B3GALT1: variants seen among roughly 807,000 people sequenced by gnomAD.
B3GALT1 encodes the protein beta-1,3-galactosyltransferase 1, also known as UDP-Gal:betaGlcNAc beta 1,3-galactosyltransferase, polypeptide 1.
Under a neutral mutation model 23.2 loss-of-function variants are expected in B3GALT1, and 10 were observed. The observed-to-expected ratio is 0.43, with a 90% CI of 0.27 to 0.73. The LOEUF is 0.73. Ranked by LOEUF, B3GALT1 falls within the 30% of genes least tolerant of loss-of-function variation. The pLI is 0.21. For missense variants in B3GALT1, 299 were observed against 405.4 expected (o/e 0.74, Z 2.25); for synonymous variants, 156 against 141.5 (o/e 1.10, Z -0.73).
At chr2:167,703,843 T>C (rs1686920981) in intron 3 of B3GALT1, among the ~76,000 whole-genome samples, 1 of 152,148 alleles carries the variant, frequency 6.6e-6, no homozygotes, top group Admixed American at 6.5e-5. Flanking sequence ...TCCTACTGAC[T>C]GACCCCTCAA....
intron 2 of B3GALT1, among the ~76,000 whole-genome samples, chr2:167,533,737 A>T (rs1249638349): frequency 2.0e-5 from 3 of 152,136 alleles, no homozygotes; most frequent in African/African-American, 7.2e-5. Context: ...ACGTTTTACC[A>T]ATTTATTTGC....
chr2:167,685,468 G>A (rs1005769175), intron 3 of B3GALT1, among the ~76,000 whole-genome samples: 5 of 152,088 alleles, frequency 3.3e-5, no homozygotes, highest in South Asian at 2.1e-4. Context: ...TGTTTTCAGC[G>A]CTTCTGAGAA....
At position 167,833,081 on chromosome 2, in the gene B3GALT1, G is replaced by A. The variant is rs148830293; in HGVS notation, c.-230+14288G>A. On this transcript the variant is annotated intron_variant, in intron 4 of 4. Transcript: ENST00000392690. ...TAAGGGACAGGCAGAGGGGCAATGC[G>A]TAATTTCTCCTCCCCTCACTGAACA... 3.2e-3 allele frequency among the ~76,000 whole-genome samples: 490 copies of A among 152,294 alleles called. 4 individuals carry two copies. The highest frequency in any genetic ancestry group is 0.011 in the African/African-American group (462 of 41,564).
intron 1 of B3GALT1, among the ~76,000 whole-genome samples, chr2:167,314,229 G>C (rs986811525): frequency 1.3e-5 from 2 of 152,086 alleles, no homozygotes; most frequent in Admixed American, 6.6e-5. Context: ...AATTCACTTA[G>C]CTGCTGGGGA....
rs1559010491 is a variant in B3GALT1, at chr2:167,870,548, T to G, written c.*528T>G. The stretch of plus-strand genomic sequence containing the variant: ...TCCACCAAGAAATGAACTTGGTACC[T>G]GCAGAGTGGCTGCAGTTAAATAGAT... On this transcript the variant is annotated 3_prime_UTR_variant, in exon 5 of 5. Coordinates refer to ENST00000392690, the MANE Select transcript of B3GALT1 (RefSeq NM_020981.4). 1 of 167,260 alleles carries G rather than the reference T, an allele frequency of 6.0e-6. No individual in the cohort carries two copies. The highest frequency in any genetic ancestry group is 1.5e-5 in the Non-Finnish European group (1 of 68,276). The allele number at this position is 167,260 out of a possible 1,614,324, so 10.4% of individuals were successfully genotyped here.
chr2:167,314,152 A>G (rs1394636967), intron 1 of B3GALT1, among the ~76,000 whole-genome samples: 2 of 152,106 alleles, frequency 1.3e-5, no homozygotes, highest in Non-Finnish European at 2.9e-5. Context: ...GTATATATAA[A>G]TGCTGCTTGG....
intron 2 of B3GALT1, among the ~76,000 whole-genome samples, chr2:167,581,898 T>C (rs887889904): frequency 6.6e-6 from 1 of 152,166 alleles, no homozygotes; most frequent in Non-Finnish European, 1.5e-5. Context: ...AGGTCTGCTT[T>C]CTGTTTATTT....
chr2:167,486,441 A>G (rs1699628152), intron 1 of B3GALT1, among the ~76,000 whole-genome samples: 1 of 151,890 alleles, frequency 6.6e-6, no homozygotes, highest in Admixed American at 6.6e-5. Flanking sequence ...TACCGTATTT[A>G]GGCCGGGCAC....
At chr2:167,867,085 C>A (rs1317259305) in intron 4 of B3GALT1, among the ~76,000 whole-genome samples, 2 of 152,160 alleles carry the variant, frequency 1.3e-5, no homozygotes, top group Non-Finnish European at 2.9e-5. Context: ...CGCCACTACG[C>A]CTGGCTAATT....
At chr2:167,323,960 C>A (rs1696852155) in intron 1 of B3GALT1, among the ~76,000 whole-genome samples, 6 of 152,008 alleles carry the variant, frequency 3.9e-5, no homozygotes, top group Admixed American at 3.3e-4. Flanking sequence ...TGCCCAATCC[C>A]ATTTTGAAAT....
intron 4 of B3GALT1, among the ~76,000 whole-genome samples, chr2:167,848,209 T>C (rs1406739900): frequency 6.6e-6 from 1 of 152,020 alleles, no homozygotes; most frequent in Non-Finnish European, 1.5e-5. Flanking sequence ...GCACAAGATA[T>C]AGACAGAAGG....
chr2:167,411,294 A>G (rs1698386552), intron 1 of B3GALT1, among the ~76,000 whole-genome samples: 1 of 151,662 alleles, frequency 6.6e-6, no homozygotes, highest in South Asian at 2.1e-4. Flanking sequence ...AATGGGAGAA[A>G]ATATTTGTAA....
chr2:167,558,146 GAC>G (rs148897968), intron 2 of B3GALT1: 1 of 152,282 alleles, frequency 6.6e-6, no homozygotes, highest in African/African-American at 2.4e-5. Flanking sequence ...GGAGAATGAA[GAC>G]AGTGTGTGAC....
At position 167,871,853 on chromosome 2, in the gene B3GALT1, C is replaced by A. The variant is rs931980237; in HGVS notation, c.*1833C>A. 6.6e-6 allele frequency: 1 copy of A among 151,436 alleles called. No homozygotes were observed. Among genetic ancestry groups the A allele is most frequent in the Non-Finnish European group, 1.5e-5 (1 of 67,952 alleles). The allele number at this position is 151,436 out of a possible 1,614,324, so 9.4% of individuals were successfully genotyped here. On this transcript the variant is annotated 3_prime_UTR_variant, in exon 5 of 5. Transcript: ENST00000392690. ...AACACCTGTTTGTTCTCAAAGAAAG[C>A]CCCACAGCTGAAAGAGTGTACCTTT... is the stretch of plus-strand genomic sequence containing the variant.
intron 1 of B3GALT1, among the ~76,000 whole-genome samples, chr2:167,404,634 A>G (rs1225528922): frequency 6.6e-6 from 1 of 152,158 alleles, no homozygotes; most frequent in Non-Finnish European, 1.5e-5. Flanking sequence ...TCCTCTTTTC[A>G]TAGTAAAATT....
chr2:167,489,880 C>G (rs114386029), intron 1 of B3GALT1, among the ~76,000 whole-genome samples: 2 of 151,988 alleles, frequency 1.3e-5, no homozygotes, highest in Non-Finnish European at 2.9e-5. Context: ...GGAAAGTAAG[C>G]AAATAATTGT....
rs559464314 is a variant in B3GALT1, at chr2:167,835,215, G to A, written c.-230+16422G>A. Among the ~76,000 whole-genome samples the A allele has an allele frequency of 1.2e-3, 190 of 152,284 alleles. 1 individual carries two copies. Among genetic ancestry groups the A allele is most frequent in the Admixed American group, 5.6e-3 (85 of 15,296 alleles). On this transcript the variant is annotated intron_variant, in intron 4 of 4. Coordinates refer to ENST00000392690, the MANE Select transcript of B3GALT1 (RefSeq NM_020981.4). The stretch of plus-strand genomic sequence containing the variant: ...GGGTGCAGCACACCATGCGCGAGCC[G>A]AAGCAGGGCGAGGCATTGCCTCACA...
intron 3 of B3GALT1, among the ~76,000 whole-genome samples, chr2:167,759,442 G>T (rs1188916080): frequency 6.6e-6 from 1 of 152,212 alleles, no homozygotes; most frequent in Non-Finnish European, 1.5e-5. Flanking sequence ...CTTGCATGAT[G>T]TTTGCACATA....
At chr2:167,295,288 T>C (rs1468856849) in intron 1 of B3GALT1, among the ~76,000 whole-genome samples, 1 of 152,204 alleles carries the variant, frequency 6.6e-6, no homozygotes, top group Non-Finnish European at 1.5e-5. Flanking sequence ...AAAAGTGTGG[T>C]TTTCTGATAT....
Sources: allele counts gnomAD v4.1 joint callset (sites outside exome capture counted in the v4.1 genomes callset), GRCh38; gene constraint gnomAD v4.1.1; transcripts MANE v1.5; gene names NCBI Gene and HGNC (gene_info 2026-07-23, HGNC 2026-07-21).